The following MAD1L1 variants were observed in gnomAD, a reference collection of about 807,000 sequenced individuals.
The protein encoded by MAD1L1 is mitotic arrest deficient 1 like 1, also known as mitotic spindle assembly checkpoint protein MAD1.
Under a neutral mutation model 96.9 loss-of-function variants are expected in MAD1L1, and 95 were observed. The observed-to-expected ratio is 0.98, with a 90% CI of 0.83 to 1.16. The LOEUF (loss-of-function observed/expected upper bound fraction) is 1.16. Among genes scored for constraint, MAD1L1 ranks in the 50% most tolerant of loss-of-function variants. MAD1L1 has a pLI of 0.00. For missense variants in MAD1L1, 1,007 were observed against 954.4 expected (o/e 1.06, Z -0.73); for synonymous variants, 473 against 396.6 (o/e 1.19, Z -2.29).
At chr7:1,829,141 G>T (rs1782577551) in intron 18 of MAD1L1, among the ~76,000 whole-genome samples, 1 of 152,252 alleles carries the variant, frequency 6.6e-6, no homozygotes, top group South Asian at 2.1e-4. Context: ...TGACACGTAG[G>T]GCAGGAGTCC....
Position 2,141,693 on chromosome 7 carries a change from G to A in MAD1L1, c.1073+7459C>T, listed in dbSNP as rs565164116. Among the ~76,000 whole-genome samples the A allele has an allele frequency of 7.4e-4, 113 of 152,310 alleles. 1 individual carries two copies. The highest frequency in any genetic ancestry group is 7.2e-4 in the Non-Finnish European group (49 of 68,030). ...CTGGTACCCACCCACCCCCGCTGAG[G>A]AGGCCCCACGAGGAGGTTCTAAGCT... On this transcript the variant is annotated intron_variant, in intron 11 of 18. Transcript: ENST00000265854.
chr7:1,881,171 C>G (rs1310284957), intron 18 of MAD1L1, among the ~76,000 whole-genome samples: 4 of 152,206 alleles, frequency 2.6e-5, no homozygotes, highest in African/African-American at 4.8e-5. Flanking sequence ...TGAGCCAAGT[C>G]TCATTCCCGG....
At chr7:1,909,052 G>C (rs1787850549) in intron 17 of MAD1L1, among the ~76,000 whole-genome samples, 1 of 152,260 alleles carries the variant, frequency 6.6e-6, no homozygotes, top group Admixed American at 6.5e-5. Flanking sequence ...CTCAGTGCCA[G>C]TGGGAACACA....
At position 2,060,118 on chromosome 7, in the gene MAD1L1, G is replaced by C. The variant is rs199742473; in HGVS notation, c.1218+9076C>G. The stretch of plus-strand genomic sequence containing the variant: ...TGATGCCGAGATACGCCGAAGCCAA[G>C]ATGCCGAGATGTCGAGATACGCAGA... On this transcript the variant is annotated intron_variant, in intron 12 of 18. Coordinates refer to ENST00000265854, the MANE Select transcript of MAD1L1 (RefSeq NM_001013836.2). Among the ~76,000 whole-genome samples the C allele has an allele frequency of 5.9e-5, 9 of 151,430 alleles. No homozygotes were observed. The East Asian group carries it at 1.4e-3, about 23-fold the overall frequency.
chr7:1,954,753 C>G (rs546601217), intron 16 of MAD1L1, among the ~76,000 whole-genome samples: 2 of 152,224 alleles, frequency 1.3e-5, no homozygotes, highest in Non-Finnish European at 2.9e-5. Context: ...CCCTGTGGGC[C>G]TCACTTTCCC....
intron 11 of MAD1L1, among the ~76,000 whole-genome samples, chr7:2,100,025 GC>G (rs1462659681): frequency 6.6e-6 from 1 of 152,176 alleles, no homozygotes; most frequent in Non-Finnish European, 1.5e-5. Flanking sequence ...CTTACACTTC[GC>G]CCCCAGCCAC....
intron 18 of MAD1L1, among the ~76,000 whole-genome samples, chr7:1,840,797 T>C (rs888866558): frequency 6.6e-6 from 1 of 152,220 alleles, no homozygotes; most frequent in Non-Finnish European, 1.5e-5. Context: ...TTTAGCGGCC[T>C]GGGCATGCGG....
chr7:1,998,312 C>A (rs891389395), intron 14 of MAD1L1, among the ~76,000 whole-genome samples: 3 of 152,184 alleles, frequency 2.0e-5, no homozygotes, highest in African/African-American at 7.2e-5. Flanking sequence ...GGCCGATGCC[C>A]GGGTCAAGAT....
chr7:1,980,385 C>T, intron 15 of MAD1L1, 68 bp downstream of exon 15: 1 of 1,384,778 alleles, frequency 7.2e-7, no homozygotes, highest in Admixed American at 2.0e-5. Flanking sequence ...CAGGACACAC[C>T]TGGGCGTATC....
At chr7:1,970,738 G>A (rs541144885) in intron 15 of MAD1L1, among the ~76,000 whole-genome samples, 43 of 152,258 alleles carry the variant, frequency 2.8e-4, no homozygotes, top group Admixed American at 8.5e-4. Flanking sequence ...GAGACGTGAC[G>A]GTGGCATCTG....
At chr7:2,206,230 C>G (rs957520143) in intron 10 of MAD1L1, among the ~76,000 whole-genome samples, 2 of 152,192 alleles carry the variant, frequency 1.3e-5, no homozygotes, top group Admixed American at 1.3e-4. Context: ...CTTCTCTATC[C>G]TGGAGCACAT....
intron 15 of MAD1L1, among the ~76,000 whole-genome samples, chr7:1,979,409 C>T (rs758030184): frequency 1.8e-4 from 27 of 152,224 alleles, no homozygotes; most frequent in Non-Finnish European, 2.9e-4. Context: ...CCTGCCACCC[C>T]ACCCTGTGCC....
At chr7:1,920,795 G>A (rs1788740065) in intron 17 of MAD1L1, among the ~76,000 whole-genome samples, 1 of 152,256 alleles carries the variant, frequency 6.6e-6, no homozygotes, top group Non-Finnish European at 1.5e-5. Flanking sequence ...TTCTGGGCAT[G>A]CAAGACAACA....
At chr7:2,083,514 C>T (rs1387668179) in intron 11 of MAD1L1, among the ~76,000 whole-genome samples, 1 of 152,252 alleles carries the variant, frequency 6.6e-6, no homozygotes, top group African/African-American at 2.4e-5. Context: ...CGGCGCTCAG[C>T]ACTCGGGCAG....
chr7:1,985,013 T>C (rs141052895), intron 14 of MAD1L1, among the ~76,000 whole-genome samples: 5 of 152,362 alleles, frequency 3.3e-5, no homozygotes, highest in East Asian at 3.9e-4. Flanking sequence ...ATCTCCTATG[T>C]TGGGTGCCTA....
chr7:1,844,051 G>T (rs1021831287), intron 18 of MAD1L1: 1 of 154,488 alleles, frequency 6.5e-6, no homozygotes, highest in African/African-American at 2.4e-5. Flanking sequence ...CTTGTGCAAG[G>T]CTGCACGGTT....
intron 17 of MAD1L1, among the ~76,000 whole-genome samples, chr7:1,917,350 G>A (rs1412161306): frequency 6.6e-6 from 1 of 152,214 alleles, no homozygotes; most frequent in African/African-American, 2.4e-5. Flanking sequence ...CCTGGGGCAT[G>A]AGGGGCCACA....
In MAD1L1 at chr7:2,119,070, G is replaced by A. The variant is rs538251157; in HGVS notation, c.1073+30082C>T. On this transcript the variant is annotated intron_variant, in intron 11 of 18. Coordinates refer to ENST00000265854, the MANE Select transcript of MAD1L1 (RefSeq NM_001013836.2). This position sits in a 1 kb window ranked among gnomAD's most constrained non-coding sequence, Gnocchi z 4.6. ...GACCCCTGCGCGGACAAGCAGGAGC[G>A]GCTGGGCTCGAGCTCCAGGGCTTCA... Among the ~76,000 whole-genome samples, 3 of 152,144 alleles carry A rather than the reference G, an allele frequency of 2.0e-5. No individual in the cohort carries two copies. Among genetic ancestry groups the A allele is most frequent in the South Asian group, 4.2e-4 (2 of 4,808 alleles).
At chr7:1,825,383 A>G (rs2128622806) in intron 18 of MAD1L1, among the ~76,000 whole-genome samples, 1 of 152,328 alleles carries the variant, frequency 6.6e-6, no homozygotes. Flanking sequence ...CATGGCTGGC[A>G]TCTTGGCTGG....
Sources: allele counts gnomAD v4.1 joint callset (sites outside exome capture counted in the v4.1 genomes callset), GRCh38; gene constraint gnomAD v4.1.1; non-coding constraint Gnocchi (gnomAD v3.1); transcripts MANE v1.5; gene names NCBI Gene and HGNC (gene_info 2026-07-23, HGNC 2026-07-21).